Variants in SHOC1 observed in about 807,000 individuals in gnomAD.
SHOC1 encodes shortage in chiasmata 1.
Under a neutral mutation model 179.2 loss-of-function variants are expected in SHOC1, and 136 were observed. The observed-to-expected ratio is 0.76, with a 90% CI of 0.66 to 0.87. The LOEUF is 0.87. Ranked by LOEUF, SHOC1 falls within the 40% of genes least tolerant of loss-of-function variation. The probability of loss-of-function intolerance (pLI) is 0.00; values close to 1 mark genes in which losing one functional copy is unlikely to be tolerated. For synonymous variants in SHOC1, 489 were observed against 586.6 expected (o/e 0.83, Z 2.41); for missense variants, 1,538 against 1,700.8 (o/e 0.90, Z 1.68).
chr9:111,780,884 T>A (rs1327841329), intron 4 of SHOC1, 46 bp downstream of exon 4: 2 of 1,338,534 alleles, frequency 1.5e-6, no homozygotes, highest in East Asian at 4.6e-5. Flanking sequence ...TTACTGTTTA[T>A]CTTCTACTAG....
At chr9:111,753,525 AAAT>A (rs1834700777) in intron 8 of SHOC1, among the ~76,000 whole-genome samples, 1 of 152,224 alleles carries the variant, frequency 6.6e-6, no homozygotes, top group African/African-American at 2.4e-5. Context: ...ATTCAATAAA[AAAT>A]AAGAATTCTA....
At chr9:111,786,774 G>A (rs1451714071) in intron 2 of SHOC1, among the ~76,000 whole-genome samples, 1 of 152,144 alleles carries the variant, frequency 6.6e-6, no homozygotes, top group South Asian at 2.1e-4. Context: ...TAAATGTTGT[G>A]TGTATTCTGA....
At chr9:111,696,673 G>A (rs1457691022) in intron 24 of SHOC1, among the ~76,000 whole-genome samples, 1 of 152,110 alleles carries the variant, frequency 6.6e-6, no homozygotes, top group African/African-American at 2.4e-5. Flanking sequence ...CCCTCCATGG[G>A]CCATGTTGCT....
At chr9:111,772,199 A>G (rs1391922309) in intron 5 of SHOC1, among the ~76,000 whole-genome samples, 1 of 152,050 alleles carries the variant, frequency 6.6e-6, no homozygotes, top group Non-Finnish European at 1.5e-5. Context: ...GCCTCTAATT[A>G]GTTGTTCAGC....
chr9:111,756,295 C>T, intron 8 of SHOC1, 30 bp downstream of exon 8: 1 of 1,530,752 alleles, frequency 6.5e-7, no homozygotes, highest in Non-Finnish European at 8.8e-7. Flanking sequence ...GTGGTTTTTA[C>T]AAGTAATACA....
intron 15 of SHOC1, among the ~76,000 whole-genome samples, chr9:111,722,148 T>A (rs1160224699): frequency 6.6e-6 from 1 of 152,172 alleles, no homozygotes; most frequent in East Asian, 1.9e-4. Context: ...AAAGTTAATT[T>A]AATTTCTGCA....
intron 7 of SHOC1, 24 bp from the exon 8 acceptor site, chr9:111,756,502 GT>G: frequency 6.4e-7 from 1 of 1,567,768 alleles, no homozygotes; most frequent in East Asian, 2.3e-5. Flanking sequence ...GTTTAAAAAA[GT>G]TTTTAGAGAG....
intron 7 of SHOC1, 88 bp from the exon 8 acceptor site, chr9:111,756,566 G>C: frequency 8.9e-7 from 1 of 1,117,640 alleles, no homozygotes; most frequent in Admixed American, 2.4e-5. Flanking sequence ...TTGCTTAAAT[G>C]ATGTGCCAAA....
intron 3 of SHOC1, among the ~76,000 whole-genome samples, chr9:111,781,875 T>G (rs1179027178): frequency 6.6e-6 from 1 of 152,206 alleles, no homozygotes; most frequent in Non-Finnish European, 1.5e-5. Context: ...GTGTTACTTC[T>G]TACTAGTTTT....
At chr9:111,689,911 A>G (rs1239651202) in intron 27 of SHOC1, among the ~76,000 whole-genome samples, 1 of 152,122 alleles carries the variant, frequency 6.6e-6, no homozygotes, top group East Asian at 1.9e-4. Context: ...GGAAAATGGG[A>G]GGTTATATAT....
intron 4 of SHOC1, among the ~76,000 whole-genome samples, chr9:111,780,343 C>A (rs1228287547): frequency 6.6e-6 from 1 of 152,184 alleles, no homozygotes; most frequent in African/African-American, 2.4e-5. Flanking sequence ...TTAAATTGCA[C>A]CAAAATCTCT....
intron 9 of SHOC1, among the ~76,000 whole-genome samples, chr9:111,747,238 A>G (rs1424994871): frequency 6.6e-6 from 1 of 152,168 alleles, no homozygotes; most frequent in African/African-American, 2.4e-5. Context: ...TAGATAATTC[A>G]GAAGATCCAA....
intron 4 of SHOC1, among the ~76,000 whole-genome samples, chr9:111,777,088 G>A (rs549855034): frequency 4.6e-5 from 7 of 152,238 alleles, no homozygotes; most frequent in East Asian, 1.9e-4. Context: ...TTTTCTTGGG[G>A]TCTTCTGCTC....
intron 25 of SHOC1, 33 bp from the exon 26 acceptor site, chr9:111,693,981 A>G (rs1589372316): frequency 6.4e-7 from 1 of 1,557,760 alleles, no homozygotes; most frequent in Non-Finnish European, 8.8e-7. Context: ...ATCAGTCAGT[A>G]GTCTTTTGAA....
At chr9:111,713,409 G>C (rs901851748) in intron 17 of SHOC1, among the ~76,000 whole-genome samples, 9 of 152,180 alleles carry the variant, frequency 5.9e-5, no homozygotes, top group Non-Finnish European at 1.3e-4. Flanking sequence ...CATTCTTCAA[G>C]TATTCCCACA....
intron 26 of SHOC1, 123 bp from the exon 27 acceptor site, chr9:111,692,634 G>A: frequency 1.8e-6 from 1 of 563,676 alleles, no homozygotes; most frequent in East Asian, 3.3e-5. Flanking sequence ...CATTGATCCA[G>A]GTATTAAGAA....
chr9:111,710,699 G>A (rs1832502646), intron 18 of SHOC1, among the ~76,000 whole-genome samples: 1 of 152,048 alleles, frequency 6.6e-6, no homozygotes, highest in Non-Finnish European at 1.5e-5. Context: ...TGCACATAAT[G>A]GCCTGAGAGC....
At chr9:111,757,752 A>G (rs539411498) in intron 7 of SHOC1, among the ~76,000 whole-genome samples, 1 of 152,352 alleles carries the variant, frequency 6.6e-6, no homozygotes, top group East Asian at 1.9e-4. Flanking sequence ...TTTAAACTAG[A>G]CATGACTACT....
intron 12 of SHOC1, among the ~76,000 whole-genome samples, chr9:111,731,192 T>C (rs987697231): frequency 6.6e-6 from 1 of 152,174 alleles, no homozygotes; most frequent in African/African-American, 2.4e-5. Context: ...ATATTAGCAA[T>C]AAGACTATTT....
Sources: allele counts gnomAD v4.1 joint callset (sites outside exome capture counted in the v4.1 genomes callset), GRCh38; gene constraint gnomAD v4.1.1; transcripts MANE v1.5; gene names NCBI Gene and HGNC (gene_info 2026-07-23, HGNC 2026-07-21).